TBC1D22A: variants seen among roughly 807,000 people sequenced by gnomAD.
The protein encoded by TBC1D22A is putative GTPase activator.
In TBC1D22A, 38 loss-of-function variants were observed where a neutral mutation model predicts 60.2. The observed-to-expected ratio is 0.63, with a 90% CI of 0.49 to 0.83. The LOEUF is 0.83. Ranked by LOEUF, TBC1D22A falls within the 40% of genes least tolerant of loss-of-function variation. TBC1D22A has a pLI of 0.00. For missense variants in TBC1D22A, 628 were observed against 701.0 expected (o/e 0.90, Z 1.18); for synonymous variants, 302 against 281.7 (o/e 1.07, Z -0.72).
intron 12 of TBC1D22A, among the ~76,000 whole-genome samples, chr22:47,155,149 C>T (rs923205700): frequency 3.3e-5 from 5 of 152,000 alleles, no homozygotes; most frequent in South Asian, 4.1e-4. Flanking sequence ...GTGATGGGGA[C>T]GCTCCATGCC....
At chr22:47,004,383 C>G (rs577656594) in intron 10 of TBC1D22A, among the ~76,000 whole-genome samples, 2 of 151,110 alleles carry the variant, frequency 1.3e-5, no homozygotes, top group Non-Finnish European at 3.0e-5. Flanking sequence ...TACACACACC[C>G]CTGCACACAA....
intron 4 of TBC1D22A, among the ~76,000 whole-genome samples, chr22:46,872,352 C>T (rs1236699722): frequency 1.3e-5 from 2 of 151,894 alleles, no homozygotes. Context: ...CTTACAAAGA[C>T]ATTATAAGAA....
chr22:47,134,249 G>A lies in TBC1D22A; in HGVS notation c.1425+22646G>A, dbSNP rs1006453987. Among the ~76,000 whole-genome samples the A allele has an allele frequency of 2.0e-5, 3 of 152,234 alleles. No individual in the cohort carries two copies. The East Asian group carries it at 5.8e-4, about 29-fold the overall frequency. ...CAGATAAACTCGGAGAAGCTCATCC[G>A]CTCAGTCCCTGAAGAAATGTGATTA... On this transcript the variant is annotated intron_variant, in intron 12 of 12. Transcript: ENST00000337137.
rs565703960 is a variant in TBC1D22A, at chr22:47,145,055, G to A, written c.1426-28443G>A. ...CGTTAATAAGCGCGCACCACGTGCCGGCTGCAGCGTTTTTCTGTGCATCTC... is the reference window on the plus strand; with the variant it reads ...CGTTAATAAGCGCGCACCACGTGCCAGCTGCAGCGTTTTTCTGTGCATCTC... On this transcript the variant is annotated intron_variant, in intron 12 of 12. Coordinates refer to ENST00000337137, the MANE Select transcript of TBC1D22A (RefSeq NM_014346.5). 1.1e-4 allele frequency among the ~76,000 whole-genome samples: 17 copies of A among 152,340 alleles called. No individual in the cohort carries two copies. In the South Asian group the frequency reaches 2.5e-3, roughly 22 times the overall value.
intron 12 of TBC1D22A, among the ~76,000 whole-genome samples, chr22:47,160,284 G>A (rs2067926197): frequency 6.6e-6 from 1 of 152,222 alleles, no homozygotes; most frequent in Non-Finnish European, 1.5e-5. Context: ...TACAGGGTGG[G>A]TGCCCAGCAG....
chr22:47,139,477 C>T (rs1453914449), intron 12 of TBC1D22A, among the ~76,000 whole-genome samples: 1 of 152,210 alleles, frequency 6.6e-6, no homozygotes, highest in Non-Finnish European at 1.5e-5. Context: ...GGGGCGGCCT[C>T]AAAGGGGCTC....
chr22:47,172,228 T>C (rs2337243), intron 12 of TBC1D22A, among the ~76,000 whole-genome samples: 126,814 of 152,102 alleles, frequency 0.83, 53,050 homozygotes, highest in East Asian at 0.98. Context: ...CTGGTGTGTC[T>C]ACCTAGCATG....
Position 47,060,388 on chromosome 22 carries a change from C to A in TBC1D22A, c.1329+23190C>A, listed in dbSNP as rs562751811. 6.6e-5 allele frequency among the ~76,000 whole-genome samples: 10 copies of A among 151,794 alleles called. 1 individual carries two copies. The South Asian group carries it at 2.1e-3, about 32-fold the overall frequency. ...TCCCAAGTAGTTGGGATTACAGGCGCCCACCACCATGCCCAGCTAATTCGT... is the reference window on the plus strand; with the variant it reads ...TCCCAAGTAGTTGGGATTACAGGCGACCACCACCATGCCCAGCTAATTCGT... On this transcript the variant is annotated intron_variant, in intron 11 of 12. Transcript: ENST00000337137.
intron 10 of TBC1D22A, among the ~76,000 whole-genome samples, chr22:47,003,716 ATACACACACTC>A (rs2061478232): frequency 1.6e-5 from 2 of 125,156 alleles, no homozygotes; most frequent in Admixed American, 1.7e-4. Flanking sequence ...ACATGCCTGT[ATACACACACTC>A]TACACACACA....
At chr22:47,059,154 AT>A (rs1462075479) in intron 11 of TBC1D22A, among the ~76,000 whole-genome samples, 2 of 152,260 alleles carry the variant, frequency 1.3e-5, no homozygotes, top group Non-Finnish European at 2.9e-5. Flanking sequence ...GTCCAAAGCC[AT>A]CCAGCTGGTA....
At chr22:46,841,987 C>G (rs568126128) in intron 4 of TBC1D22A, among the ~76,000 whole-genome samples, 19 of 152,310 alleles carry the variant, frequency 1.2e-4, no homozygotes, top group African/African-American at 4.3e-4. Flanking sequence ...TTGGTTACAT[C>G]TGTTAAGCTG....
intron 4 of TBC1D22A, among the ~76,000 whole-genome samples, chr22:46,822,230 C>G (rs1449222951): frequency 6.6e-6 from 1 of 152,108 alleles, no homozygotes; most frequent in East Asian, 1.9e-4. Context: ...CTGCTGAAGC[C>G]TACTCCTGTC....
intron 7 of TBC1D22A, among the ~76,000 whole-genome samples, chr22:46,903,607 A>G (rs2069170648): frequency 6.6e-6 from 1 of 152,132 alleles, no homozygotes; most frequent in Non-Finnish European, 1.5e-5. Flanking sequence ...GTCCAGGGGC[A>G]TGGGGAGTCT....
chr22:47,038,185 C>T (rs1003709937), intron 11 of TBC1D22A, among the ~76,000 whole-genome samples: 7 of 152,214 alleles, frequency 4.6e-5, no homozygotes, highest in Non-Finnish European at 8.8e-5. Context: ...CAAATCTCTA[C>T]AGAGTGCTAA....
At chr22:46,850,310 G>A (rs2087211880) in intron 4 of TBC1D22A, among the ~76,000 whole-genome samples, 2 of 152,184 alleles carry the variant, frequency 1.3e-5, no homozygotes, top group Non-Finnish European at 2.9e-5. Context: ...TCATGCACCT[G>A]ATGCCAGCAT....
intron 11 of TBC1D22A, among the ~76,000 whole-genome samples, chr22:47,108,902 A>G (rs905544070): frequency 6.6e-6 from 1 of 152,142 alleles, no homozygotes; most frequent in African/African-American, 2.4e-5. Context: ...TCACCGTGTT[A>G]GCCAGGATGG....
At chr22:46,958,976 C>T (rs368408180) in intron 8 of TBC1D22A, among the ~76,000 whole-genome samples, 1 of 152,168 alleles carries the variant, frequency 6.6e-6, no homozygotes, top group South Asian at 2.1e-4. Context: ...GCTTGTGAAG[C>T]GGGAAGCTCT....
intron 4 of TBC1D22A, among the ~76,000 whole-genome samples, chr22:46,858,548 C>T (rs888815711): frequency 6.6e-5 from 10 of 152,186 alleles, no homozygotes; most frequent in Admixed American, 5.9e-4. Flanking sequence ...GAAGTAGTCG[C>T]GGGAACGCAT....
At chr22:46,988,655 C>G (rs561507538) in intron 9 of TBC1D22A, among the ~76,000 whole-genome samples, 5 of 152,228 alleles carry the variant, frequency 3.3e-5, no homozygotes, top group Non-Finnish European at 5.9e-5. Context: ...GCTTCAAATA[C>G]TTGGTAAACC....
Sources: gnomAD v4.1 joint callset for allele counts (sites outside exome capture counted in the v4.1 genomes callset) on GRCh38, gnomAD v4.1.1 for gene constraint, MANE v1.5 for transcripts, NCBI Gene and HGNC (gene_info 2026-07-23, HGNC 2026-07-21) for gene names.